The following BMPR1B variants were observed in gnomAD, a reference collection of about 807,000 sequenced individuals.
BMPR1B encodes bone morphogenetic protein receptor type 1B, also known as bone morphogenetic protein receptor type-1B.
In BMPR1B, 12 loss-of-function variants were observed where a neutral mutation model predicts 59.1. The ratio of observed to expected loss-of-function variants is 0.20; its 90% CI spans 0.13 to 0.33. The LOEUF is 0.33. BMPR1B is among the 10% of genes least tolerant of loss of function. The pLI, the probability that BMPR1B is intolerant of heterozygous loss-of-function variation, is 1.00. For missense variants in BMPR1B, 550 were observed against 610.9 expected, an observed-to-expected ratio of 0.90 and a Z score of 1.05; for synonymous variants, 237 against 207.3, an observed-to-expected ratio of 1.14 and a Z score of -1.23.
chr4:95,114,518 A>G (rs1270263266), intron 4 of BMPR1B, among the ~76,000 whole-genome samples: 2 of 152,290 alleles, frequency 1.3e-5, no homozygotes, highest in African/African-American at 4.8e-5. Flanking sequence ...AGATATTACA[A>G]AATGTTTTTA....
At chr4:95,047,308 G>A (rs1726128281) in intron 3 of BMPR1B, among the ~76,000 whole-genome samples, 1 of 152,072 alleles carries the variant, frequency 6.6e-6, no homozygotes, top group South Asian at 2.1e-4. Flanking sequence ...AAACCACTTT[G>A]CACTTAGTCA....
chr4:95,091,517 C>G, intron 3 of BMPR1B: 1 of 985,344 alleles, frequency 1.0e-6, no homozygotes, highest in Non-Finnish European at 1.2e-6. Context: ...ATTAGTGCTG[C>G]CTACGGTGCT....
intron 2 of BMPR1B, among the ~76,000 whole-genome samples, chr4:94,970,288 TCTCTTCTC>T (rs1299545288): frequency 9.0e-6 from 1 of 111,090 alleles, no homozygotes; most frequent in African/African-American, 3.3e-5. Context: ...TCTCTTCTCT[TCTCTTCTC>T]TTCTCTTCTT....
intron 2 of BMPR1B, among the ~76,000 whole-genome samples, chr4:94,946,828 A>G (rs1468322940): frequency 2.6e-5 from 4 of 152,114 alleles, no homozygotes; most frequent in Non-Finnish European, 5.9e-5. Context: ...AGGCGGTTGG[A>G]TTACCTGAGC....
intron 2 of BMPR1B, among the ~76,000 whole-genome samples, chr4:94,901,143 A>G (rs1727794401): frequency 6.6e-6 from 1 of 151,988 alleles, no homozygotes; most frequent in African/African-American, 2.4e-5. Flanking sequence ...TCCTGGGTAC[A>G]TTGGTCATTG....
intron 3 of BMPR1B, among the ~76,000 whole-genome samples, chr4:95,038,017 T>A (rs949776529): frequency 2.0e-5 from 3 of 152,092 alleles, no homozygotes; most frequent in Non-Finnish European, 4.4e-5. Flanking sequence ...GAAAAAAAGA[T>A]AAAGCAGTGT....
chr4:94,916,988 G>A (rs1482575962), intron 2 of BMPR1B, among the ~76,000 whole-genome samples: 2 of 152,264 alleles, frequency 1.3e-5, no homozygotes, highest in Non-Finnish European at 2.9e-5. Flanking sequence ...AGGGGCCTAG[G>A]TATAGCTTGG....
intron 3 of BMPR1B, among the ~76,000 whole-genome samples, chr4:95,043,264 T>C (rs1725801096): frequency 6.7e-6 from 1 of 149,982 alleles, no homozygotes; most frequent in Admixed American, 6.6e-5. Flanking sequence ...AGGGTGCAAG[T>C]CTGACCTCAT....
At chr4:95,067,032 A>G (rs535558769) in intron 3 of BMPR1B, among the ~76,000 whole-genome samples, 1 of 152,316 alleles carries the variant, frequency 6.6e-6, no homozygotes, top group East Asian at 1.9e-4. Flanking sequence ...GATTTAATCC[A>G]TGCATCTCTG....
chr4:95,019,154 A>C (rs1189918595), intron 3 of BMPR1B, among the ~76,000 whole-genome samples: 1 of 152,162 alleles, frequency 6.6e-6, no homozygotes, highest in African/African-American at 2.4e-5. Context: ...GGAAGTCGCT[A>C]ATGGAAATAA....
At chr4:94,798,406 G>T (rs1723275941) in intron 1 of BMPR1B, among the ~76,000 whole-genome samples, 1 of 152,220 alleles carries the variant, frequency 6.6e-6, no homozygotes, top group Admixed American at 6.5e-5. Flanking sequence ...TCAGCATGAA[G>T]AGAAACATAA....
chr4:95,142,000 A>G (rs1734263211), intron 10 of BMPR1B, among the ~76,000 whole-genome samples: 1 of 152,216 alleles, frequency 6.6e-6, no homozygotes, highest in Admixed American at 6.5e-5. Flanking sequence ...GACCCACCAA[A>G]GTCATAAAAC....
Position 94,864,558 on chromosome 4 carries a change from CT to C in BMPR1B, c.-182-11269del, listed in dbSNP as rs577506527. Among the ~76,000 whole-genome samples, 504 of 152,176 alleles carry C rather than the reference CT, an allele frequency of 3.3e-3. 3 individuals are homozygous for C. Among genetic ancestry groups the C allele is most frequent in the African/African-American group, 0.011 (468 of 41,498 alleles). On this transcript the variant is annotated intron_variant, in intron 1 of 12. Coordinates refer to ENST00000515059, the MANE Select transcript of BMPR1B (RefSeq NM_001203.3). ...GTTCTGTATTTTTTAATGAATAGATCTTTTGATAAGGGCCAAGTACTTATTA... is the reference window on the plus strand; with the variant it reads ...GTTCTGTATTTTTTAATGAATAGATCTTTGATAAGGGCCAAGTACTTATTA...
At chr4:94,806,183 G>A (rs957689686) in intron 1 of BMPR1B, among the ~76,000 whole-genome samples, 1 of 152,128 alleles carries the variant, frequency 6.6e-6, no homozygotes, top group African/African-American at 2.4e-5. Context: ...ACGGTGTCAA[G>A]TTGATTGTAA....
At chr4:94,885,829 A>T (rs942321926) in intron 2 of BMPR1B, among the ~76,000 whole-genome samples, 1 of 152,202 alleles carries the variant, frequency 6.6e-6, no homozygotes, top group African/African-American at 2.4e-5. Context: ...ACATGAATCC[A>T]GAAAAATACT....
chr4:95,041,548 A>C (rs1238910380), intron 3 of BMPR1B, among the ~76,000 whole-genome samples: 1 of 151,194 alleles, frequency 6.6e-6, no homozygotes, highest in African/African-American at 2.4e-5. Context: ...TCTGGTAGTC[A>C]TGTTTGCTGA....
At chr4:94,873,550 G>A (rs962054778) in intron 1 of BMPR1B, among the ~76,000 whole-genome samples, 1 of 151,998 alleles carries the variant, frequency 6.6e-6, no homozygotes, top group Non-Finnish European at 1.5e-5. Context: ...GGGACTACAG[G>A]CGTGCGCCAC....
chr4:94,956,831 G>T (rs3796418), intron 2 of BMPR1B, among the ~76,000 whole-genome samples: 70,316 of 151,678 alleles, frequency 0.46, 16,742 homozygotes, highest in South Asian at 0.6. Context: ...CTTCAAAAAG[G>T]CTCAGTTTCA....
chr4:94,998,004 A>G (rs767871332), intron 3 of BMPR1B, among the ~76,000 whole-genome samples: 2 of 152,202 alleles, frequency 1.3e-5, no homozygotes, highest in Non-Finnish European at 2.9e-5. Context: ...AAGAACTACA[A>G]TAAGAAGAAA....
Sources: allele counts gnomAD v4.1 joint callset (sites outside exome capture counted in the v4.1 genomes callset), GRCh38; gene constraint gnomAD v4.1.1; transcripts MANE v1.5; gene names NCBI Gene and HGNC (gene_info 2026-07-23, HGNC 2026-07-21).